The following RFX2 variants were observed in gnomAD, a reference collection of about 807,000 sequenced individuals.
RFX2 encodes regulatory factor X2.
Under a neutral mutation model 87.8 loss-of-function variants are expected in RFX2, and 20 were observed. The observed-to-expected ratio is 0.23, with a 90% CI of 0.16 to 0.33. RFX2 has a LOEUF of 0.33. RFX2 is among the 10% of genes least tolerant of loss of function. RFX2 has a pLI of 1.00. For missense variants in RFX2, 767 were observed against 1,012.3 expected (o/e 0.76, Z 3.29); for synonymous variants, 397 against 431.3 (o/e 0.92, Z 0.98).
intron 1 of RFX2, among the ~76,000 whole-genome samples, chr19:6,075,930 T>G (rs1445446105): frequency 6.6e-6 from 1 of 152,058 alleles, no homozygotes; most frequent in Admixed American, 6.5e-5. Flanking sequence ...TCATGAACAG[T>G]TGGAGGATCT....
chr19:5,997,588 A>G lies in RFX2; in HGVS notation c.1860-375T>C, dbSNP rs994779637. Among the ~76,000 whole-genome samples the G allele has an allele frequency of 6.6e-6, 1 of 152,230 alleles. No homozygotes were observed. Among genetic ancestry groups the G allele is most frequent in the Admixed American group, 6.5e-5 (1 of 15,284 alleles). Reference sequence around the variant, plus strand: ...CATTTCGGACTCCGAATCAGAGCACAGGCTGGCAGCTGGTGCCTGTCTCCC... The same window carrying G: ...CATTTCGGACTCCGAATCAGAGCACGGGCTGGCAGCTGGTGCCTGTCTCCC... On this transcript the variant is annotated intron_variant, in intron 15 of 17. Coordinates refer to ENST00000303657, the MANE Select transcript of RFX2 (RefSeq NM_000635.4). This position sits in a 1 kb window ranked among gnomAD's most constrained non-coding sequence, Gnocchi z 4.2.
At chr19:6,042,496 G>GTTT (rs141155152) in intron 3 of RFX2, among the ~76,000 whole-genome samples, 1 of 146,872 alleles carries the variant, frequency 6.8e-6, no homozygotes, top group Admixed American at 6.8e-5. Context: ...CCTGGTTTCT[G>GTTT]TTTTTTTTTT....
chr19:6,056,562 A>C lies in RFX2; in HGVS notation c.-8-9058T>G, dbSNP rs1020470664. On this transcript the variant is annotated intron_variant, in intron 1 of 17. Coordinates refer to ENST00000303657, the MANE Select transcript of RFX2 (RefSeq NM_000635.4). The surrounding 1 kb of genome is among the most constrained non-coding windows in gnomAD (Gnocchi z 4.6). Reference sequence around the variant, plus strand: ...GGGCCCCGAGGGCGTGGGTGTACTCAAGGTAAAGTCCACAGGGCACAGGGA... The same window carrying C: ...GGGCCCCGAGGGCGTGGGTGTACTCCAGGTAAAGTCCACAGGGCACAGGGA... 1.3e-5 allele frequency among the ~76,000 whole-genome samples: 2 copies of C among 152,154 alleles called. No homozygotes were observed. The highest frequency in any genetic ancestry group is 4.8e-5 in the African/African-American group (2 of 41,432).
chr19:6,022,661 C>T lies in RFX2; in HGVS notation c.597+3502G>A, dbSNP rs560719818. On this transcript the variant is annotated intron_variant, in intron 6 of 17. Transcript: ENST00000303657. The surrounding 1 kb of genome is among the most constrained non-coding windows in gnomAD (Gnocchi z 6.2). ...TCCCCTTCCCTCTGGAAGAGCTAAT[C>T]CCCATTTTCACGGCGCCATATCATG... Among the ~76,000 whole-genome samples, 1 of 152,368 alleles carries T rather than the reference C, an allele frequency of 6.6e-6. No individual in the cohort carries two copies. Among genetic ancestry groups the T allele is most frequent in the Admixed American group, 6.5e-5 (1 of 15,310 alleles).
At position 6,089,476 on chromosome 19, in the gene RFX2, T is replaced by C. The variant is rs144461638; in HGVS notation, c.-9+20917A>G. 2.2e-4 allele frequency among the ~76,000 whole-genome samples: 34 copies of C among 152,312 alleles called. No homozygotes were observed. The East Asian group carries it at 6.4e-3, about 28-fold the overall frequency. ...GTTGTGTCCCCCCAAAACTCACATG[T>C]TGAAACCTAACCCCCAATATGACGG... On this transcript the variant is annotated intron_variant, in intron 1 of 17. Transcript: ENST00000303657.
chr19:6,031,799 T>C lies in RFX2; in HGVS notation c.523-5562A>G, dbSNP rs531889460. Among the ~76,000 whole-genome samples the C allele has an allele frequency of 3.9e-4, 59 of 152,006 alleles. 1 individual carries two copies. The South Asian group carries it at 0.01, about 26-fold the overall frequency. ...TGGTGATGAAAAATACAGTGACTTC[T>C]AGGACAGTTTGATGCCTCTGCATTC... On this transcript the variant is annotated intron_variant, in intron 5 of 17. Coordinates refer to ENST00000303657, the MANE Select transcript of RFX2 (RefSeq NM_000635.4).
rs1312914938 is a variant in RFX2, at chr19:6,016,330, A to C, written c.598-59T>G. On this transcript the variant is annotated intron_variant, in intron 6 of 17. Transcript: ENST00000303657. The surrounding 1 kb of genome is among the most constrained non-coding windows in gnomAD (Gnocchi z 5.4). ...AAGCCTGAGGAACGCTAACATGCCA[A>C]CGTGGACTCATTAAGAGAATTACTT... 8.0e-7 allele frequency: 1 copy of C among 1,249,646 alleles called. No homozygotes were observed. The highest frequency in any genetic ancestry group is 1.5e-5 in the African/African-American group (1 of 66,758). 77.4% of individuals were successfully genotyped at this position (1,249,646 alleles called of 1,614,324 possible). A position where few individuals can be genotyped will look rare whatever the true frequency, so the allele number is the denominator to read the frequency against.
intron 12 of RFX2, among the ~76,000 whole-genome samples, 182 bp downstream of exon 12, chr19:6,006,830 G>A (rs2086589001): frequency 6.6e-6 from 1 of 151,616 alleles, no homozygotes; most frequent in East Asian, 1.9e-4. Context: ...TGGGCTCAGC[G>A]ATTTGTCTGC....
chr19:6,030,557 T>G (rs1272176805), intron 5 of RFX2, among the ~76,000 whole-genome samples: 1 of 152,156 alleles, frequency 6.6e-6, no homozygotes, highest in Non-Finnish European at 1.5e-5. Flanking sequence ...GGCAAATCCC[T>G]AGAGACAGAA....
chr19:6,040,333 G>T lies in RFX2; in HGVS notation c.261-92C>A. 1.5e-6 allele frequency: 2 copies of T among 1,371,112 alleles called. No homozygotes were observed. The highest frequency in any genetic ancestry group is 2.0e-6 in the Non-Finnish European group (2 of 1,023,298). The allele number at this position is 1,371,112 out of a possible 1,614,324, so 84.9% of individuals were successfully genotyped here. A position where few individuals can be genotyped will look rare whatever the true frequency, so the allele number is the denominator to read the frequency against. Reference sequence around the variant, plus strand: ...ATATCCAGCCAAACATCACGTAAAAGCTGCAACCCAGAGAGGCCAGACATA... The same window carrying T: ...ATATCCAGCCAAACATCACGTAAAATCTGCAACCCAGAGAGGCCAGACATA... On this transcript the variant is annotated intron_variant, in intron 4 of 17. Coordinates refer to ENST00000303657, the MANE Select transcript of RFX2 (RefSeq NM_000635.4). The surrounding 1 kb of genome is among the most constrained non-coding windows in gnomAD (Gnocchi z 6.1).
In RFX2 at chr19:5,997,768, C is replaced by A. The variant is rs1469843747; in HGVS notation, c.1860-555G>T. Among the ~76,000 whole-genome samples the A allele has an allele frequency of 3.9e-5, 6 of 152,314 alleles. No individual in the cohort carries two copies. The highest frequency in any genetic ancestry group is 1.4e-4 in the African/African-American group (6 of 41,572). On this transcript the variant is annotated intron_variant, in intron 15 of 17. Transcript: ENST00000303657. This position sits in a 1 kb window ranked among gnomAD's most constrained non-coding sequence, Gnocchi z 4.2. ...GGGTTTCAGAGACTTCAGCCCAGAT[C>A]CAGTCCGCGTCCAGCCCTCAGCCTG...
chr19:6,010,363 A>G lies in RFX2; in HGVS notation c.900-112T>C. On this transcript the variant is annotated intron_variant, in intron 8 of 17. Coordinates refer to ENST00000303657, the MANE Select transcript of RFX2 (RefSeq NM_000635.4). This position sits in a 1 kb window ranked among gnomAD's most constrained non-coding sequence, Gnocchi z 5.0. The stretch of plus-strand genomic sequence containing the variant: ...TCAGGCATGTGTGTGTGATGTTTAC[A>G]AGTTGCGGTCAAATACACATAACAC... The G allele has an allele frequency of 1.4e-6, 1 of 702,250 alleles. No individual in the cohort carries two copies. Among genetic ancestry groups the G allele is most frequent in the South Asian group, 1.6e-5 (1 of 61,602 alleles). 43.5% of individuals were successfully genotyped at this position (702,250 alleles called of 1,614,324 possible). A position where few individuals can be genotyped will look rare whatever the true frequency, so the allele number is the denominator to read the frequency against.
At chr19:6,066,871 T>C (rs1230980820) in intron 1 of RFX2, among the ~76,000 whole-genome samples, 3 of 152,166 alleles carry the variant, frequency 2.0e-5, no homozygotes, top group South Asian at 2.1e-4. Context: ...GGGAGAATAC[T>C]TCCCAAACCA....
chr19:6,059,071 C>T (rs2087390772), intron 1 of RFX2, among the ~76,000 whole-genome samples: 1 of 152,094 alleles, frequency 6.6e-6, no homozygotes. Flanking sequence ...CCTCGACCTC[C>T]CTGGCTCAAG....
Position 6,007,179 on chromosome 19 carries a change from G to A in RFX2, c.1248-13C>T, listed in dbSNP as rs776617781. ...GGGGTCTTCGTCACTGTGGAGGGAGGGGGGACAGGTGAGCTGTGGCCTGGC... is the reference window on the plus strand; with the variant it reads ...GGGGTCTTCGTCACTGTGGAGGGAGAGGGGACAGGTGAGCTGTGGCCTGGC... On this transcript the variant is annotated splice_polypyrimidine_tract_variant and intron_variant, in intron 11 of 17. Transcript: ENST00000303657. This position sits in a 1 kb window ranked among gnomAD's most constrained non-coding sequence, Gnocchi z 8.2. 4.3e-6 allele frequency: 7 copies of A among 1,611,770 alleles called. No individual in the cohort carries two copies. Among genetic ancestry groups the A allele is most frequent in the Non-Finnish European group, 5.1e-6 (6 of 1,179,014 alleles).
chr19:5,997,458 G>T lies in RFX2; in HGVS notation c.1860-245C>A. 2.2e-6 allele frequency: 1 copy of T among 456,854 alleles called. No homozygotes were observed. The highest frequency in any genetic ancestry group is 3.8e-5 in the Admixed American group (1 of 26,556). 28.3% of individuals were successfully genotyped at this position (456,854 alleles called of 1,614,324 possible). ...CAGAGACCACCTGGGGAACAGGAGA[G>T]GGAGATGGGCAGTCAGCCCCAAAGC... On this transcript the variant is annotated intron_variant, in intron 15 of 17. Coordinates refer to ENST00000303657, the MANE Select transcript of RFX2 (RefSeq NM_000635.4). This position sits in a 1 kb window ranked among gnomAD's most constrained non-coding sequence, Gnocchi z 4.2.
chr19:6,077,560 C>T (rs769323992), intron 1 of RFX2, among the ~76,000 whole-genome samples: 1 of 152,200 alleles, frequency 6.6e-6, no homozygotes, highest in Non-Finnish European at 1.5e-5. Flanking sequence ...CAAAATTCAT[C>T]CTGCAGAAGT....
chr19:6,046,958 G>T (rs1444777504), intron 2 of RFX2, among the ~76,000 whole-genome samples: 1 of 149,790 alleles, frequency 6.7e-6, no homozygotes, highest in Non-Finnish European at 1.5e-5. Context: ...TAGAGAAAGG[G>T]TCTGGCTATG....
intron 1 of RFX2, among the ~76,000 whole-genome samples, chr19:6,058,550 T>C (rs1410446184): frequency 2.0e-5 from 3 of 150,868 alleles, no homozygotes; most frequent in East Asian, 3.9e-4. Context: ...GCAACCATCG[T>C]TCCCTCCGTG....
Sources: allele counts gnomAD v4.1 joint callset (sites outside exome capture counted in the v4.1 genomes callset), GRCh38; gene constraint gnomAD v4.1.1; non-coding constraint Gnocchi (gnomAD v3.1); transcripts MANE v1.5; gene names NCBI Gene and HGNC (gene_info 2026-07-23, HGNC 2026-07-21).